PALLD: variants seen among roughly 807,000 people sequenced by gnomAD.
PALLD encodes palladin.
A neutral mutation model predicts 123.5 loss-of-function variants in PALLD; 61 were observed. That is an observed-to-expected ratio of 0.49 (90% confidence interval 0.40 to 0.61). The LOEUF is 0.61. Ranked by LOEUF, PALLD falls within the 20% of genes least tolerant of loss-of-function variation. PALLD has a pLI of 0.00. For synonymous variants in PALLD, 465 were observed against 496.4 expected (o/e 0.94, Z 0.84); for missense variants, 1,273 against 1,377.0 (o/e 0.92, Z 1.20).
intron 2 of PALLD, among the ~76,000 whole-genome samples, chr4:168,637,943 CAAAAAAA>C (rs11416996): frequency 6.8e-4 from 41 of 60,448 alleles, no homozygotes; most frequent in East Asian, 6.0e-3. Flanking sequence ...GAATACATCT[CAAAAAAA>C]AAAAAAAAAA....
chr4:168,702,874 TTTTATTTATTTATTTATTTTA>T (rs1783811277), intron 8 of PALLD, among the ~76,000 whole-genome samples: 1 of 141,196 alleles, frequency 7.1e-6, no homozygotes, highest in Non-Finnish European at 1.5e-5. Flanking sequence ...TTTGTTTTTA[TTTTATTTATTTATTTATTTTA>T]TTTATTTATT....
chr4:168,859,291 G>A (rs1175195884), intron 10 of PALLD, among the ~76,000 whole-genome samples: 4 of 152,180 alleles, frequency 2.6e-5, no homozygotes, highest in Non-Finnish European at 5.9e-5. Context: ...TGGCAGGACT[G>A]ACTCCTTTAC....
At chr4:168,669,058 A>G (rs1047721940) in intron 3 of PALLD, among the ~76,000 whole-genome samples, 5 of 152,352 alleles carry the variant, frequency 3.3e-5, no homozygotes, top group Middle Eastern at 3.4e-3. Context: ...ACTGTAGTGT[A>G]TATACTATTC....
At chr4:168,781,663 T>G (rs1735943075) in intron 10 of PALLD, among the ~76,000 whole-genome samples, 1 of 152,110 alleles carries the variant, frequency 6.6e-6, no homozygotes, top group Non-Finnish European at 1.5e-5. Flanking sequence ...TCAGAACTCT[T>G]AAGGATTATT....
intron 2 of PALLD, among the ~76,000 whole-genome samples, chr4:168,523,287 A>C: frequency 6.8e-6 from 1 of 147,614 alleles, no homozygotes; most frequent in South Asian, 2.3e-4. Flanking sequence ...GGGGGGAGGG[A>C]GGAAGGAGGG....
chr4:168,525,141 G>A (rs1763922705), intron 2 of PALLD, among the ~76,000 whole-genome samples: 1 of 152,160 alleles, frequency 6.6e-6, no homozygotes, highest in Non-Finnish European at 1.5e-5. Flanking sequence ...GGCCAAGCCT[G>A]AGGACACACA....
At chr4:168,833,140 A>G (rs1169054329) in intron 10 of PALLD, among the ~76,000 whole-genome samples, 2 of 152,086 alleles carry the variant, frequency 1.3e-5, no homozygotes, top group African/African-American at 4.8e-5. Flanking sequence ...CTCTGTCCCG[A>G]ATGGTGAGTG....
chr4:168,916,627 A>G (rs956941460), intron 17 of PALLD, among the ~76,000 whole-genome samples: 1 of 151,810 alleles, frequency 6.6e-6, no homozygotes, highest in Non-Finnish European at 1.5e-5. Context: ...TTCTTTTTTC[A>G]TACAAATTTT....
chr4:168,772,320 C>G (rs953256535), intron 10 of PALLD, among the ~76,000 whole-genome samples: 1 of 152,184 alleles, frequency 6.6e-6, no homozygotes, highest in African/African-American at 2.4e-5. Flanking sequence ...GGCACTTGTT[C>G]TTTCACCCTT....
chr4:168,887,134 A>G (rs910946400), intron 10 of PALLD, among the ~76,000 whole-genome samples: 6 of 117,442 alleles, frequency 5.1e-5, no homozygotes, highest in Admixed American at 4.0e-4. Context: ...AAAAAAAAAG[A>G]AAAAGAAAAA....
chr4:168,635,995 C>T (rs1776309813), intron 2 of PALLD, among the ~76,000 whole-genome samples: 1 of 152,198 alleles, frequency 6.6e-6, no homozygotes, highest in Non-Finnish European at 1.5e-5. Flanking sequence ...AGTAATGTAA[C>T]ATTGATAAAG....
At chr4:168,764,388 A>T (rs1733366261) in intron 10 of PALLD, among the ~76,000 whole-genome samples, 1 of 152,130 alleles carries the variant, frequency 6.6e-6, no homozygotes, top group South Asian at 2.1e-4. Flanking sequence ...AACTCACCCT[A>T]TGTTGGCCCC....
chr4:168,738,492 G>A (rs893063195), intron 10 of PALLD, among the ~76,000 whole-genome samples: 23 of 151,446 alleles, frequency 1.5e-4, no homozygotes, highest in Non-Finnish European at 2.4e-4. Flanking sequence ...GTGCAGTGGT[G>A]AGATCTTGAC....
At chr4:168,654,515 A>T (rs1290001224) in intron 2 of PALLD, among the ~76,000 whole-genome samples, 4 of 152,264 alleles carry the variant, frequency 2.6e-5, no homozygotes, top group African/African-American at 9.6e-5. Flanking sequence ...CTAAATCTGT[A>T]TCAAGTGATA....
chr4:168,540,452 G>A (rs966692519), intron 2 of PALLD, among the ~76,000 whole-genome samples: 12 of 152,006 alleles, frequency 7.9e-5, no homozygotes, highest in African/African-American at 2.9e-4. Flanking sequence ...CTGTCCTTAG[G>A]GTTCATGCTA....
intron 2 of PALLD, among the ~76,000 whole-genome samples, chr4:168,585,006 A>G (rs1173727113): frequency 6.6e-6 from 1 of 152,204 alleles, no homozygotes; most frequent in Non-Finnish European, 1.5e-5. Flanking sequence ...TAACTGGTTT[A>G]TATAATAATA....
At chr4:168,677,741 C>T (rs971971048) in intron 3 of PALLD, among the ~76,000 whole-genome samples, 21 of 152,208 alleles carry the variant, frequency 1.4e-4, no homozygotes, top group Non-Finnish European at 2.1e-4. Context: ...CCTGCATCTC[C>T]TCATCACAGA....
intron 10 of PALLD, among the ~76,000 whole-genome samples, chr4:168,812,897 A>G (rs1420886572): frequency 2.0e-5 from 3 of 152,128 alleles, no homozygotes; most frequent in African/African-American, 2.4e-5. Flanking sequence ...GGGCGTGGAA[A>G]TTAGAGGGAA....
At chr4:168,807,277 GCACA>G (rs72123198) in intron 10 of PALLD, among the ~76,000 whole-genome samples, 50 of 144,884 alleles carry the variant, frequency 3.5e-4, no homozygotes, top group East Asian at 3.2e-3. Flanking sequence ...ACACACACAC[GCACA>G]CACACACACA....
Sources: gnomAD v4.1 joint callset for allele counts (sites outside exome capture counted in the v4.1 genomes callset) on GRCh38, gnomAD v4.1.1 for gene constraint, MANE v1.5 for transcripts, NCBI Gene and HGNC (gene_info 2026-07-23, HGNC 2026-07-21) for gene names.